MLLT6: variants seen among roughly 807,000 people sequenced by gnomAD.
MLLT6 encodes MLLT6, PHD finger containing.
Under a neutral mutation model 103.0 loss-of-function variants are expected in MLLT6, and 22 were observed. That is an observed-to-expected ratio of 0.21 (90% CI 0.15 to 0.31). MLLT6 has a LOEUF of 0.31. Among genes scored for constraint, MLLT6 ranks in the 10% least tolerant of loss-of-function variants. The probability of loss-of-function intolerance (pLI) is 1.00; values close to 1 mark genes in which losing one functional copy is unlikely to be tolerated. For synonymous variants in MLLT6, 606 were observed against 623.5 expected, an observed-to-expected ratio of 0.97 and a Z score of 0.42; for missense variants, 1,199 against 1,441.7, an observed-to-expected ratio of 0.83 and a Z score of 2.73.
chr17:38,722,658 A>ACCCCCCCC lies in MLLT6; in HGVS notation c.2793-14_2793-13insCCCCCCCC. 4 of 209,658 alleles carry ACCCCCCCC rather than the reference A, an allele frequency of 1.9e-5. No individual in the cohort carries two copies. Among genetic ancestry groups the ACCCCCCCC allele is most frequent in the Non-Finnish European group, 3.4e-5 (4 of 116,314 alleles). 13.0% of individuals were successfully genotyped at this position (209,658 alleles called of 1,614,324 possible). Reference sequence around the variant, plus strand: ...ATGGTCTGTGTGTTGTCCCCCCCCCACCCCCCACCCCCACCTCAGCCTTAC... The same window carrying ACCCCCCCC: ...ATGGTCTGTGTGTTGTCCCCCCCCCACCCCCCCCCCCCCCACCCCCACCTCAGCCTTAC... On this transcript the variant is annotated intron_variant, in intron 17 of 19. Transcript: ENST00000621332.
intron 8 of MLLT6, 194 bp from the exon 9 acceptor site, chr17:38,715,418 G>A: frequency 2.4e-6 from 2 of 846,192 alleles, no homozygotes. Flanking sequence ...CTTACACCCA[G>A]GAGTGCCACA....
Position 38,716,821 on chromosome 17 carries a change from C to T in MLLT6, c.1491C>T (p.Ser497=), listed in dbSNP as rs1905368807. ...GCACTGGGGGCCCAGCTGCCCCATC[C>T]TTGCCCAGTGCCCAGCTGGCTGGCT... ...KEGTGGPAAP[S]LPSAQLAGFT... Residue 497 remains serine, a synonymous_variant, in exon 10 of 20, where the codon TCC becomes TCT. Coordinates refer to ENST00000621332, the MANE Select transcript of MLLT6 (RefSeq NM_005937.4). This position sits in a 1 kb window ranked among gnomAD's most constrained non-coding sequence, Gnocchi z 5.6. 6.2e-7 allele frequency: 1 copy of T among 1,612,336 alleles called. No individual in the cohort carries two copies. The highest frequency in any genetic ancestry group is 8.5e-7 in the Non-Finnish European group (1 of 1,179,234).
At chr17:38,707,577 C>T in intron 3 of MLLT6, 37 bp downstream of exon 3, 1 of 1,606,132 alleles carries the variant, frequency 6.2e-7, no homozygotes, top group South Asian at 1.1e-5. Flanking sequence ...AGCAGGGCCC[C>T]CTGAGCAGGG....
intron 17 of MLLT6, among the ~76,000 whole-genome samples, 194 bp downstream of exon 17, chr17:38,722,421 A>G (rs1047900737): frequency 2.0e-5 from 3 of 152,130 alleles, no homozygotes; most frequent in African/African-American, 7.2e-5. Context: ...TCTGGACGGT[A>G]GCTCCCCAGG....
rs1158825543 is a variant in MLLT6 at position 38,727,185 on chromosome 17, G to C, written c.*1587G>C. On this transcript the variant is annotated 3_prime_UTR_variant, in exon 20 of 20. Coordinates refer to ENST00000621332, the MANE Select transcript of MLLT6 (RefSeq NM_005937.4). ...AGAAGATGTGTATATTTTTGGCAACGACAGAAACGTAGTGCAGATATATTT... is the reference window on the plus strand; with the variant it reads ...AGAAGATGTGTATATTTTTGGCAACCACAGAAACGTAGTGCAGATATATTT... The C allele has an allele frequency of 4.4e-6, 1 of 229,674 alleles. No individual in the cohort carries two copies. Among genetic ancestry groups the C allele is most frequent in the South Asian group, 1.8e-4 (1 of 5,468 alleles). The allele number at this position is 229,674 out of a possible 1,614,324, so 14.2% of individuals were successfully genotyped here.
rs978440401 is a variant in MLLT6, at chr17:38,728,108, C to G, written c.*2510C>G. 12 of 233,210 alleles carry G rather than the reference C, an allele frequency of 5.1e-5. No individual in the cohort carries two copies. Among genetic ancestry groups the G allele is most frequent in the Non-Finnish European group, 8.5e-5 (10 of 118,088 alleles). 14.4% of individuals were successfully genotyped at this position (233,210 alleles called of 1,614,324 possible). A position where few individuals can be genotyped will look rare whatever the true frequency, so the allele number is the denominator to read the frequency against. ...CGCTTGCATTCCCCAGACTGGACTA[C>G]TGTGGCGGTTAGGTTAGATTTGAAG... is the stretch of plus-strand genomic sequence containing the variant. On this transcript the variant is annotated 3_prime_UTR_variant, in exon 20 of 20. Coordinates refer to ENST00000621332, the MANE Select transcript of MLLT6 (RefSeq NM_005937.4).
chr17:38,719,154 G>T (rs1597998075), intron 12 of MLLT6: 1 of 345,864 alleles, frequency 2.9e-6, no homozygotes, highest in Non-Finnish European at 5.3e-6. Context: ...GGAGAGGCTG[G>T]TTAGGAGCCC....
rs1905909750 is a variant in MLLT6, at chr17:38,724,275, AAAG to A, written c.2884-342_2884-340del. The A allele has an allele frequency of 1.1e-5, 3 of 275,662 alleles. No individual in the cohort carries two copies. The highest frequency in any genetic ancestry group is 2.0e-5 in the Non-Finnish European group (3 of 148,450). The allele number at this position is 275,662 out of a possible 1,614,324, so 17.1% of individuals were successfully genotyped here. ...CGTCTCACAAAAAGAAAAGAAAAGA[AAAG>A]AAAACTATTGACCTAGTTTAGTGTT... On this transcript the variant is annotated intron_variant, in intron 18 of 19. Transcript: ENST00000621332. This position sits in a 1 kb window ranked among gnomAD's most constrained non-coding sequence, Gnocchi z 5.4.
In MLLT6 at chr17:38,707,776, G is replaced by A. The variant is rs764818622; in HGVS notation, c.258G>A (p.Val86=). ...KRTDNGGWAH[V]VCALYIPEVQ... ...ACACTGCCCCAGGCTGGGCACACGT[G>A]GTGTGTGCCCTCTACATCCCCGAGG... The change falls in exon 4 of 20, where the codon GTG becomes GTA. Residue 86 remains valine (V), a synonymous_variant. Coordinates refer to ENST00000621332, the MANE Select transcript of MLLT6 (RefSeq NM_005937.4). The A allele has an allele frequency of 1.9e-6, 3 of 1,603,064 alleles. No individual in the cohort carries two copies. The highest frequency in any genetic ancestry group is 3.3e-5 in the Admixed American group (2 of 59,936).
rs1905077009 is a variant in MLLT6, at chr17:38,709,667, C to G, written c.552+92C>G. On this transcript the variant is annotated intron_variant, in intron 6 of 19. Coordinates refer to ENST00000621332, the MANE Select transcript of MLLT6 (RefSeq NM_005937.4). The surrounding 1 kb of genome is among the most constrained non-coding windows in gnomAD (Gnocchi z 4.3). ...CTCTGGGCCAGGCCAGTGCCTGGTG[C>G]TAGGAGGACAGAGAGGGAAAAAACC... The G allele has an allele frequency of 2.0e-6, 2 of 980,488 alleles. No homozygotes were observed. The highest frequency in any genetic ancestry group is 3.2e-6 in the Non-Finnish European group (2 of 621,312). 60.7% of individuals were successfully genotyped at this position (980,488 alleles called of 1,614,324 possible).
chr17:38,717,642 C>T (rs1905421137), intron 11 of MLLT6, 29 bp downstream of exon 11: 2 of 1,606,818 alleles, frequency 1.2e-6, no homozygotes, highest in East Asian at 2.2e-5. Context: ...GCTCCTCCTT[C>T]CCTGGGCAGG....
At chr17:38,712,180 G>A (rs1208985758) in intron 7 of MLLT6, 166 bp downstream of exon 7, 1 of 931,838 alleles carries the variant, frequency 1.1e-6, no homozygotes. Context: ...CGGTGGGGGG[G>A]TGAGGCGGGA....
rs201905335 is a variant in MLLT6, at chr17:38,716,589, G to A, written c.1259G>A (p.Arg420Gln). The change falls in exon 10 of 20, where the codon CGG becomes CAG. Residue 420 changes from arginine to glutamine, a missense_variant. Around this residue, in one of 7 missense-constraint regions of MLLT6, gnomAD observed 1,034 missense variants for 1,091.5 expected, o/e 0.95. Coordinates refer to ENST00000621332, the MANE Select transcript of MLLT6 (RefSeq NM_005937.4). This position sits in a 1 kb window ranked among gnomAD's most constrained non-coding sequence, Gnocchi z 5.6. ...ACCACCTCCAGCTCAGGCCGGGCCC[G>A]GGCGCCCTCCCCTGGGGACTATAAG... ...STTTSSSGRA[R>Q]APSPGDYKSP... is the part of the protein sequence containing the mutation. The A allele has an allele frequency of 7.1e-5, 114 of 1,613,880 alleles. No homozygotes were observed. In the Admixed American group the frequency reaches 8.2e-4, roughly 12 times the overall value.
chr17:38,719,453 G>C (rs993213783), intron 12 of MLLT6, 64 bp from the exon 13 acceptor site: 2 of 1,388,826 alleles, frequency 1.4e-6, no homozygotes, highest in African/African-American at 2.8e-5. Context: ...TATCCATCTG[G>C]GGGCGGGGAC....
intron 1 of MLLT6, 99 bp from the exon 2 acceptor site, chr17:38,706,851 C>G (rs571250959): frequency 5.2e-6 from 5 of 963,682 alleles, no homozygotes. Context: ...ACTGCTGGAA[C>G]TGGCTCTAGT....
Position 38,716,456 on chromosome 17 carries a change from G to A in MLLT6, c.1126G>A (p.Ala376Thr), listed in dbSNP as rs548758424. 3.0e-5 allele frequency: 48 copies of A among 1,613,614 alleles called. No individual in the cohort carries two copies. In the African/African-American group the frequency reaches 3.9e-4, roughly 13 times the overall value. ...EDKYSKPTAP[A>T]PSAPPSPSAP... is the part of the protein sequence containing the mutation. ...CAAGTACTCCAAGCCCACAGCCCCCGCCCCTTCAGCCCCTCCTTCTCCCTC... is the reference window on the plus strand; with the variant it reads ...CAAGTACTCCAAGCCCACAGCCCCCACCCCTTCAGCCCCTCCTTCTCCCTC... Residue 376 changes from alanine (A) to threonine (T), a missense_variant, in exon 10 of 20, where the codon GCC (alanine) becomes ACC (threonine). By Grantham distance (58) the Ala-to-Thr change is moderately conservative. Around this residue, in one of 7 missense-constraint regions of MLLT6, gnomAD observed 1,034 missense variants for 1,091.5 expected, o/e 0.95. Coordinates refer to ENST00000621332, the MANE Select transcript of MLLT6 (RefSeq NM_005937.4). The surrounding 1 kb of genome is among the most constrained non-coding windows in gnomAD (Gnocchi z 5.6).
rs904442371 is a variant in MLLT6, at chr17:38,722,026, A to G, written c.2591A>G (p.Asn864Ser). Residue 864 changes from asparagine to serine, a missense_variant, in exon 17 of 20, where the codon AAC (asparagine) becomes AGC (serine). By Grantham distance (46) the Asn-to-Ser change is conservative. Transcript: ENST00000621332. ...APAPLPPQPQ[N>S]GLGRAPGAAG... The stretch of plus-strand genomic sequence containing the variant: ...GCCCCACTCCCGCCCCAGCCGCAGA[A>G]CGGGTTGGGCCGGGCACCCGGGGCA... The G allele has an allele frequency of 1.7e-5, 25 of 1,464,146 alleles. 1 individual carries two copies. Among genetic ancestry groups the G allele is most frequent in the Non-Finnish European group, 2.3e-5 (25 of 1,109,716 alleles). 90.7% of individuals were successfully genotyped at this position (1,464,146 alleles called of 1,614,324 possible). A position where few individuals can be genotyped will look rare whatever the true frequency, so the allele number is the denominator to read the frequency against.
chr17:38,719,671 C>T (rs1220709072), intron 13 of MLLT6, 79 bp from the exon 14 acceptor site: 2 of 1,571,122 alleles, frequency 1.3e-6, no homozygotes, highest in South Asian at 1.2e-5. Flanking sequence ...TGGGCTGGAA[C>T]CCCTGGGGGA....
At chr17:38,712,664 A>G in intron 7 of MLLT6, 27 bp from the exon 8 acceptor site, 1 of 1,504,876 alleles carries the variant, frequency 6.6e-7, no homozygotes, top group African/African-American at 1.4e-5. Context: ...CCCCCAGCAC[A>G]ATATCTAGTC....
Sources: allele counts gnomAD v4.1 joint callset (sites outside exome capture counted in the v4.1 genomes callset), GRCh38; gene constraint gnomAD v4.1.1; regional missense constraint gnomAD v4.1.1; non-coding constraint Gnocchi (gnomAD v3.1); transcripts MANE v1.5; gene names NCBI Gene and HGNC (gene_info 2026-07-23, HGNC 2026-07-21).